The following SHROOM2 variants were observed in gnomAD, a reference collection of about 807,000 sequenced individuals.
The protein encoded by SHROOM2 is protein Shroom2.
In SHROOM2, 33 loss-of-function variants were observed where a neutral mutation model predicts 75.9. That is an observed-to-expected ratio of 0.43 (90% CI 0.33 to 0.58). The LOEUF (loss-of-function observed/expected upper bound fraction) is 0.58. SHROOM2 is among the 20% of genes least tolerant of loss of function. The pLI is 0.04. For synonymous variants in SHROOM2, 655 were observed against 663.6 expected (o/e 0.99, Z 0.20); for missense variants, 1,434 against 1,461.2 (o/e 0.98, Z 0.30).
chrX:9,835,244 C>A (rs1348638555), intron 1 of SHROOM2, among the ~76,000 whole-genome samples: 1 of 112,300 alleles, frequency 8.9e-6, no homozygotes, highest in Non-Finnish European at 1.9e-5. Flanking sequence ...GACCAGAAGT[C>A]CACAGGAAGA....
At chrX:9,871,566 A>G (rs2084171393) in intron 1 of SHROOM2, among the ~76,000 whole-genome samples, 1 of 112,363 alleles carries the variant, frequency 8.9e-6, no homozygotes, top group Non-Finnish European at 1.9e-5. Flanking sequence ...TCAGGATAAA[A>G]TCGTCTAGAA....
Position 9,827,412 on chromosome X carries a change from A to G in SHROOM2, c.165+40702A>G, listed in dbSNP as rs1158969971. Among the ~76,000 whole-genome samples the G allele has an allele frequency of 2.8e-5, 3 of 107,380 alleles. No individual in the cohort carries two copies. In the East Asian group the frequency reaches 8.9e-4, roughly 32 times the overall value. The allele number at this position is 107,380 out of a possible 115,157, so 93.2% of individuals were successfully genotyped here. A position where few individuals can be genotyped will look rare whatever the true frequency, so the allele number is the denominator to read the frequency against. Reference sequence around the variant, plus strand: ...TAGCCTTGACTCTTGTTGGCAGGTTAACAGACAGGCACCAAGCATTCTCTG... The same window carrying G: ...TAGCCTTGACTCTTGTTGGCAGGTTGACAGACAGGCACCAAGCATTCTCTG... On this transcript the variant is annotated intron_variant, in intron 1 of 9. Coordinates refer to ENST00000380913, the MANE Select transcript of SHROOM2 (RefSeq NM_001649.4).
At chrX:9,897,465 T>A (rs113463294) in intron 4 of SHROOM2, among the ~76,000 whole-genome samples, 2,137 of 107,794 alleles carry the variant, frequency 0.02, 54 homozygotes, top group African/African-American at 0.067. Context: ...GCATTTGCAG[T>A]TCTAGTACTT....
intron 4 of SHROOM2, 54 bp downstream of exon 4, chrX:9,896,752 A>G (rs1004840973): frequency 2.8e-6 from 3 of 1,089,980 alleles, no homozygotes; most frequent in Non-Finnish European, 3.6e-6. Context: ...AGGACAGGAC[A>G]CACCCAGAAT....
chrX:9,804,210 A>G (rs979540778), intron 1 of SHROOM2, among the ~76,000 whole-genome samples: 2 of 111,393 alleles, frequency 1.8e-5, no homozygotes, highest in Non-Finnish European at 3.8e-5. Flanking sequence ...ATGGTGCAGC[A>G]GGAGGTGGTG....
At chrX:9,890,155 T>A (rs1405070699) in intron 2 of SHROOM2, among the ~76,000 whole-genome samples, 1 of 111,877 alleles carries the variant, frequency 8.9e-6, no homozygotes, top group East Asian at 2.8e-4. Context: ...TCACTTGAGG[T>A]CAGGAGTTCA....
At chrX:9,850,831 CA>C (rs757769302) in intron 1 of SHROOM2, among the ~76,000 whole-genome samples, 34 of 76,234 alleles carry the variant, frequency 4.5e-4, no homozygotes, top group Middle Eastern at 7.6e-3. Context: ...GACTCTGTGT[CA>C]AAAAAAAAAA....
intron 1 of SHROOM2, among the ~76,000 whole-genome samples, chrX:9,866,500 C>G (rs909647319): frequency 1.1e-4 from 12 of 110,522 alleles, no homozygotes; most frequent in African/African-American, 3.6e-4. Context: ...AAGCTGAAAA[C>G]CCTGCGGCAG....
At chrX:9,872,217 T>C (rs148090625) in intron 1 of SHROOM2, among the ~76,000 whole-genome samples, 1 of 112,597 alleles carries the variant, frequency 8.9e-6, no homozygotes, top group Non-Finnish European at 1.9e-5. Flanking sequence ...TTAACTGGAA[T>C]GAATTGCTGT....
At chrX:9,904,996 C>T (rs761503716) in intron 5 of SHROOM2, among the ~76,000 whole-genome samples, 19 of 112,233 alleles carry the variant, frequency 1.7e-4, no homozygotes, top group Non-Finnish European at 2.4e-4. Flanking sequence ...CACAGGCATG[C>T]GCCAGCACAC....
At chrX:9,825,614 G>T (rs1198015817) in intron 1 of SHROOM2, among the ~76,000 whole-genome samples, 2 of 112,277 alleles carry the variant, frequency 1.8e-5, no homozygotes, top group Admixed American at 1.9e-4. Flanking sequence ...AGGACAGTCT[G>T]CACGGCCCTT....
At chrX:9,807,371 C>T (rs1030949863) in intron 1 of SHROOM2, among the ~76,000 whole-genome samples, 6 of 112,110 alleles carry the variant, frequency 5.4e-5, no homozygotes, top group Admixed American at 3.8e-4. Flanking sequence ...CAGAGTGTCC[C>T]CAGGAGCAAG....
intron 1 of SHROOM2, among the ~76,000 whole-genome samples, chrX:9,857,660 A>G (rs1054436003): frequency 1.8e-5 from 2 of 111,439 alleles, no homozygotes; most frequent in African/African-American, 6.5e-5. Context: ...AAGTGCTGGG[A>G]TTATAGGTGT....
rs373940406 is a variant in SHROOM2 at position 9,791,138 on chromosome X, GA to G, written c.165+4439del. Among the ~76,000 whole-genome samples the G allele has an allele frequency of 1.1e-4, 11 of 100,224 alleles. No individual in the cohort carries two copies. In the South Asian group the frequency reaches 1.3e-3, roughly 12 times the overall value. The allele number at this position is 100,224 out of a possible 115,157, so 87.0% of individuals were successfully genotyped here. On this transcript the variant is annotated intron_variant, in intron 1 of 9. Transcript: ENST00000380913. ...TAACATGTCGTAACATTTATCTTTT[GA>G]AAAAAAAAAAGAAAAGAAAACTAGT...
At chrX:9,792,441 G>C (rs1023887449) in intron 1 of SHROOM2, among the ~76,000 whole-genome samples, 6 of 93,391 alleles carry the variant, frequency 6.4e-5, no homozygotes, top group African/African-American at 2.2e-4. Context: ...GAGCCCCTGG[G>C]CTGTTTTTTT....
intron 7 of SHROOM2, 92 bp downstream of exon 7, chrX:9,937,777 G>C: frequency 7.2e-6 from 6 of 838,719 alleles, no homozygotes; most frequent in Non-Finnish European, 9.9e-6. Flanking sequence ...CTGTTTTCAT[G>C]CGTGCTTTTG....
Position 9,786,502 on chromosome X carries a change from C to T in SHROOM2, c.-44C>T, listed in dbSNP as rs1436878759. Reference sequence around the variant, plus strand: ...CTTGCGATCCCACGGCCGGGACTGCCCGGAGTGCATGGGCGCGGGCCAGGG... The same window carrying T: ...CTTGCGATCCCACGGCCGGGACTGCTCGGAGTGCATGGGCGCGGGCCAGGG... On this transcript the variant is annotated 5_prime_UTR_variant, in exon 1 of 10. Coordinates refer to ENST00000380913, the MANE Select transcript of SHROOM2 (RefSeq NM_001649.4). The T allele has an allele frequency of 1.2e-5, 10 of 839,221 alleles. No individual in the cohort carries two copies. Among genetic ancestry groups the T allele is most frequent in the Non-Finnish European group, 1.3e-5 (9 of 691,033 alleles). The allele number at this position is 839,221 out of a possible 1,213,427, so 69.2% of individuals were successfully genotyped here. A position where few individuals can be genotyped will look rare whatever the true frequency, so the allele number is the denominator to read the frequency against.
intron 1 of SHROOM2, among the ~76,000 whole-genome samples, chrX:9,869,167 G>A (rs781308090): frequency 5.5e-5 from 6 of 109,410 alleles, no homozygotes; most frequent in African/African-American, 2.0e-4. Flanking sequence ...CACCATGTTG[G>A]CCACGCTGGT....
At chrX:9,862,253 A>C (rs1233961957) in intron 1 of SHROOM2, among the ~76,000 whole-genome samples, 1 of 111,449 alleles carries the variant, frequency 9.0e-6, no homozygotes, top group African/African-American at 3.3e-5. Flanking sequence ...AAAGAATACG[A>C]GAATAGCAGA....
Sources: gnomAD v4.1 joint callset for allele counts (sites outside exome capture counted in the v4.1 genomes callset) on GRCh38, gnomAD v4.1.1 for gene constraint, MANE v1.5 for transcripts, NCBI Gene and HGNC (gene_info 2026-07-23, HGNC 2026-07-21) for gene names.